Variants in ITIH6 observed in about 807,000 individuals in gnomAD.
ITIH6 encodes the protein inter-alpha-trypsin inhibitor heavy chain H6.
ITIH6 carries 60 observed loss-of-function variants against 58.2 expected under a neutral mutation model. The ratio of observed to expected loss-of-function variants is 1.03; its 90% CI spans 0.84 to 1.28. The LOEUF is 1.28. ITIH6 is among the 50% of genes most tolerant of loss of function. ITIH6 has a pLI of 0.00. For synonymous variants in ITIH6, 493 were observed against 417.4 expected, an observed-to-expected ratio of 1.18 and a Z score of -2.21; for missense variants, 1,290 against 1,021.1, an observed-to-expected ratio of 1.26 and a Z score of -3.59.
chrX:54,792,095 A>G, intron 2 of ITIH6, 59 bp from the exon 3 acceptor site: 1 of 808,923 alleles, frequency 1.2e-6, no homozygotes. Flanking sequence ...AGTTGGTCAG[A>G]GACAGAGAAA....
At chrX:54,753,618 G>T in intron 11 of ITIH6, 33 bp downstream of exon 11, 1 of 1,033,928 alleles carries the variant, frequency 9.7e-7, no homozygotes, top group Non-Finnish European at 1.4e-6. Flanking sequence ...ATCCAGCTTT[G>T]GTGTATGGTG....
intron 4 of ITIH6, among the ~76,000 whole-genome samples, chrX:54,788,924 C>T (rs1328899710): frequency 8.9e-6 from 1 of 112,499 alleles, no homozygotes; most frequent in African/African-American, 3.2e-5. Flanking sequence ...CCCTCACTGG[C>T]AACCTCACCC....
At position 54,758,405 on chromosome X, in the gene ITIH6, C is replaced by T. The variant is rs1602051752; in HGVS notation, c.1669G>A (p.Ala557Thr). 1 of 1,210,676 alleles carries T rather than the reference C, an allele frequency of 8.3e-7. No homozygotes were observed. Among genetic ancestry groups the T allele is most frequent in the Non-Finnish European group, 1.1e-6 (1 of 894,851 alleles). The change falls in exon 8 of 13, where the codon GCC (alanine) becomes ACC (threonine). Residue 557 changes from alanine to threonine, a missense_variant. Coordinates refer to ENST00000218436, the MANE Select transcript of ITIH6 (RefSeq NM_198510.3). ...GCPGEPAPNV[A>T]HFIRRLWAYV... Reference sequence around the variant, plus strand: ...GCCCAGAGGCGGCGGATGAAGTGGGCCACATTGGGGGCTGGCTCCCCTGGG... The same window carrying T: ...GCCCAGAGGCGGCGGATGAAGTGGGTCACATTGGGGGCTGGCTCCCCTGGG...
intron 2 of ITIH6, among the ~76,000 whole-genome samples, chrX:54,793,178 G>A (rs191958552): frequency 1.8e-5 from 2 of 111,012 alleles, no homozygotes; most frequent in East Asian, 5.6e-4. Context: ...TAGGGTACAT[G>A]TGCACAATGT....
At chrX:54,781,857 AT>A (rs1341299254) in intron 5 of ITIH6, among the ~76,000 whole-genome samples, 1 of 112,348 alleles carries the variant, frequency 8.9e-6, no homozygotes, top group East Asian at 2.8e-4. Context: ...GATAGACTGG[AT>A]AAGAAAATAT....
At chrX:54,797,454 C>G (rs1275087880) in intron 1 of ITIH6, among the ~76,000 whole-genome samples, 1 of 112,128 alleles carries the variant, frequency 8.9e-6, no homozygotes, top group African/African-American at 3.2e-5. Context: ...TTCTAAAAAG[C>G]TCCCATGGAA....
Position 54,755,128 on chromosome X carries a change from A to G in ITIH6, c.3110-19T>C, listed in dbSNP as rs1323779675. 4 of 1,161,904 alleles carry G rather than the reference A, an allele frequency of 3.4e-6. No homozygotes were observed. The highest frequency in any genetic ancestry group is 4.7e-6 in the Non-Finnish European group (4 of 852,753). On this transcript the variant is annotated intron_variant, in intron 8 of 12. Coordinates refer to ENST00000218436, the MANE Select transcript of ITIH6 (RefSeq NM_198510.3). Reference sequence around the variant, plus strand: ...GGACTTCCTGCCAAGCACAAAAGAAATAAGAAAACCCTTCAAATTCCAGGG... The same window carrying G: ...GGACTTCCTGCCAAGCACAAAAGAAGTAAGAAAACCCTTCAAATTCCAGGG...
chrX:54,765,771 A>G (rs1466218794), intron 6 of ITIH6, among the ~76,000 whole-genome samples: 2 of 109,563 alleles, frequency 1.8e-5, no homozygotes, highest in East Asian at 2.9e-4. Context: ...TGGTAACAGT[A>G]CCATGCTGTT....
intron 2 of ITIH6, among the ~76,000 whole-genome samples, chrX:54,796,367 T>A (rs1929440190): frequency 8.9e-6 from 1 of 112,325 alleles, no homozygotes; most frequent in Non-Finnish European, 1.9e-5. Flanking sequence ...TATGTTTCCA[T>A]GTATATTAGT....
chrX:54,771,917 A>T (rs1187369068), intron 6 of ITIH6, among the ~76,000 whole-genome samples: 4 of 111,899 alleles, frequency 3.6e-5, no homozygotes, highest in Non-Finnish European at 7.5e-5. Context: ...AATTAGTACA[A>T]CCATTGTGGA....
Position 54,751,099 on chromosome X carries a change from G to A in ITIH6, c.3634C>T (p.His1212Tyr). Residue 1212 changes from histidine to tyrosine, a missense_variant, in exon 12 of 13, where the codon CAC (histidine) becomes TAC (tyrosine). Coordinates refer to ENST00000218436, the MANE Select transcript of ITIH6 (RefSeq NM_198510.3). ...GPYLEFLVLR[H>Y]RYRHPSTLQL... is the part of the protein sequence containing the mutation. ...AGGGTACTGGGATGCCTGTAGCGGT[G>A]TCGGAGGACTAGGAACTCAAGGTAG... is the stretch of plus-strand genomic sequence containing the variant. The A allele has an allele frequency of 8.3e-7, 1 of 1,206,577 alleles. No homozygotes were observed.
intron 6 of ITIH6, among the ~76,000 whole-genome samples, chrX:54,767,346 G>T (rs1254088579): frequency 9.2e-6 from 1 of 108,189 alleles, no homozygotes; most frequent in Admixed American, 9.8e-5. Flanking sequence ...ACCAGCTCCT[G>T]GATTCATTGA....
At chrX:54,771,931 C>T (rs1389626109) in intron 6 of ITIH6, among the ~76,000 whole-genome samples, 1 of 111,792 alleles carries the variant, frequency 8.9e-6, no homozygotes, top group Non-Finnish European at 1.9e-5. Context: ...TTGTGGAAGA[C>T]AGTGTGGCAA....
intron 2 of ITIH6, 92 bp downstream of exon 2, chrX:54,796,850 C>A: frequency 1.0e-6 from 1 of 955,319 alleles, no homozygotes; most frequent in Non-Finnish European, 1.5e-6. Flanking sequence ...AGTGCATTGT[C>A]TTAATCACTA....
intron 5 of ITIH6, among the ~76,000 whole-genome samples, chrX:54,788,259 G>A (rs765797908): frequency 1.8e-5 from 2 of 111,753 alleles, no homozygotes; most frequent in African/African-American, 6.5e-5. Flanking sequence ...GGGTCCTTTG[G>A]GCACTTGATT....
At chrX:54,770,821 A>T (rs1928934005) in intron 6 of ITIH6, among the ~76,000 whole-genome samples, 1 of 112,479 alleles carries the variant, frequency 8.9e-6, no homozygotes, top group Non-Finnish European at 1.9e-5. Flanking sequence ...TGTAGATCCA[A>T]GTATCTGAGA....
chrX:54,791,510 T>C (rs1929348275), intron 3 of ITIH6, among the ~76,000 whole-genome samples: 1 of 110,681 alleles, frequency 9.0e-6, no homozygotes, highest in South Asian at 3.9e-4. Context: ...AGTAACTCAG[T>C]TTGCTGGAGC....
chrX:54,762,757 G>A (rs1275009542), intron 6 of ITIH6, among the ~76,000 whole-genome samples: 2 of 111,801 alleles, frequency 1.8e-5, no homozygotes, highest in Non-Finnish European at 3.8e-5. Flanking sequence ...TTGAGAGAAG[G>A]GCTTATAATG....
chrX:54,770,084 C>T (rs1323604669), intron 6 of ITIH6, among the ~76,000 whole-genome samples: 9 of 112,279 alleles, frequency 8.0e-5, no homozygotes, highest in African/African-American at 1.3e-4. Flanking sequence ...TCTCATGGTG[C>T]GCCGTTTTTT....
Sources: allele counts gnomAD v4.1 joint callset (sites outside exome capture counted in the v4.1 genomes callset), GRCh38; gene constraint gnomAD v4.1.1; transcripts MANE v1.5; gene names NCBI Gene and HGNC (gene_info 2026-07-23, HGNC 2026-07-21).